The following ATOSA variants were observed in gnomAD, a reference collection of about 807,000 sequenced individuals.
The protein encoded by ATOSA is atos homolog A, also known as atos homolog protein A.
At chr15:52,646,408 C>G in the ATOSA span, among the ~76,000 whole-genome samples, 1 of 152,166 alleles carries the variant, frequency 6.6e-6, no homozygotes, top group Non-Finnish European at 1.5e-5. Flanking sequence ...AAGGAGGTGT[C>G]ATTAGGTCTT....
the ATOSA span, chr15:52,609,439 T>G: frequency 1.2e-6 from 2 of 1,613,762 alleles, no homozygotes; most frequent in South Asian, 2.2e-5. Context: ...GTGCTCCAAG[T>G]GTTGAGCAAT....
chr15:52,596,389 T>A, the ATOSA span, among the ~76,000 whole-genome samples: 5 of 152,144 alleles, frequency 3.3e-5, no homozygotes, highest in African/African-American at 9.7e-5. Context: ...AACAATAAAG[T>A]TAGGACTCAC....
At chr15:52,610,132 G>A in the ATOSA span, 1 of 1,614,010 alleles carries the variant, frequency 6.2e-7, no homozygotes, top group Non-Finnish European at 8.5e-7. Flanking sequence ...TGAACTGTTT[G>A]TACCACATTG....
At chr15:52,701,501 T>C in the ATOSA span, among the ~76,000 whole-genome samples, 2 of 152,182 alleles carry the variant, frequency 1.3e-5, no homozygotes, top group African/African-American at 4.8e-5. Context: ...AAATAAACTT[T>C]TGAGATTTCA....
At chr15:52,592,025 A>G in the ATOSA span, among the ~76,000 whole-genome samples, 26 of 152,182 alleles carry the variant, frequency 1.7e-4, no homozygotes, top group Non-Finnish European at 7.3e-5. Flanking sequence ...CTTCACCCTT[A>G]GAATGGAGTA....
chr15:52,584,090 GAAAAAAA>G, the ATOSA span, among the ~76,000 whole-genome samples: 17 of 41,890 alleles, frequency 4.1e-4, no homozygotes, highest in Non-Finnish European at 8.0e-4. Flanking sequence ...GTCTCAAGAA[GAAAAAAA>G]AAAAAAAAAA....
chr15:52,663,903 A>T, the ATOSA span, among the ~76,000 whole-genome samples: 1 of 152,162 alleles, frequency 6.6e-6, no homozygotes, highest in Admixed American at 6.5e-5. Flanking sequence ...CCTTAGTGAG[A>T]TATCAAAAAA....
chr15:52,585,611 T>C, the ATOSA span, among the ~76,000 whole-genome samples: 1 of 152,214 alleles, frequency 6.6e-6, no homozygotes, highest in Non-Finnish European at 1.5e-5. Context: ...TCAAAATTTG[T>C]AGCAACACTA....
At chr15:52,622,475 G>A in the ATOSA span, among the ~76,000 whole-genome samples, 16 of 152,216 alleles carry the variant, frequency 1.1e-4, no homozygotes, top group Middle Eastern at 3.4e-3. Context: ...ACAACTACCA[G>A]GTTCCAGGCA....
At chr15:52,703,372 T>C in the ATOSA span, among the ~76,000 whole-genome samples, 2 of 152,168 alleles carry the variant, frequency 1.3e-5, no homozygotes, top group Non-Finnish European at 2.9e-5. Flanking sequence ...CTCACAAAAA[T>C]GGTCTTTAAA....
At chr15:52,600,032 T>C in the ATOSA span, 1 of 528,896 alleles carries the variant, frequency 1.9e-6, no homozygotes, top group African/African-American at 2.0e-5. Flanking sequence ...ATTATTTCTT[T>C]CCTTTTCACA....
the ATOSA span, among the ~76,000 whole-genome samples, chr15:52,694,418 G>T: frequency 6.6e-6 from 1 of 152,006 alleles, no homozygotes; most frequent in Non-Finnish European, 1.5e-5. Context: ...CGCTTTCCTT[G>T]GCCTCCAAAG....
At chr15:52,622,531 C>T in the ATOSA span, among the ~76,000 whole-genome samples, 2 of 152,082 alleles carry the variant, frequency 1.3e-5, no homozygotes, top group Non-Finnish European at 2.9e-5. Flanking sequence ...TGTGATGACA[C>T]AGAAAAACAA....
the ATOSA span, among the ~76,000 whole-genome samples, chr15:52,603,182 C>T: frequency 3.9e-5 from 6 of 152,236 alleles, no homozygotes; most frequent in East Asian, 3.9e-4. Flanking sequence ...TCTGAACAGA[C>T]GTTTCTCAAA....
chr15:52,604,763 T>G, the ATOSA span, among the ~76,000 whole-genome samples: 6 of 152,200 alleles, frequency 3.9e-5, no homozygotes, highest in Non-Finnish European at 5.9e-5. Flanking sequence ...TGTCTCAAGA[T>G]GATTAAGTGA....
the ATOSA span, chr15:52,600,303 G>T: frequency 1.1e-6 from 1 of 948,710 alleles, no homozygotes. Context: ...TCTTGAGACA[G>T]GGTCTCACTC....
the ATOSA span, among the ~76,000 whole-genome samples, chr15:52,675,622 T>C: frequency 6.6e-6 from 1 of 152,184 alleles, no homozygotes; most frequent in African/African-American, 2.4e-5. Flanking sequence ...GAAAACTTAG[T>C]GTTAGGCCGG....
At chr15:52,627,026 GCT>G in the ATOSA span, among the ~76,000 whole-genome samples, 1 of 152,150 alleles carries the variant, frequency 6.6e-6, no homozygotes, top group Non-Finnish European at 1.5e-5. Flanking sequence ...CTGCCGGAAT[GCT>G]CTTTGTTTCT....
the ATOSA span, chr15:52,608,640 T>C: frequency 1.9e-6 from 3 of 1,610,552 alleles, no homozygotes; most frequent in South Asian, 1.1e-5. Context: ...GAGAATAGTT[T>C]TGGGATTTTT....
Sources: gnomAD v4.1 joint callset for allele counts (sites outside exome capture counted in the v4.1 genomes callset) on GRCh38, gnomAD v4.1.1 for gene constraint, MANE v1.5 for transcripts, NCBI Gene and HGNC (gene_info 2026-07-23, HGNC 2026-07-21) for gene names.